The following RUFY3 variants were observed in gnomAD, a reference collection of about 807,000 sequenced individuals.
RUFY3 encodes RUN and FYVE domain containing 3.
In RUFY3, 34 loss-of-function variants were observed where a neutral mutation model predicts 84.0. That is an observed-to-expected ratio of 0.40 (90% CI 0.31 to 0.54). The LOEUF (loss-of-function observed/expected upper bound fraction) is 0.54. RUFY3 is among the 20% of genes least tolerant of loss of function. RUFY3 has a pLI of 0.39. For missense variants in RUFY3, 507 were observed against 736.8 expected, an observed-to-expected ratio of 0.69 and a Z score of 3.61; for synonymous variants, 242 against 252.9, an observed-to-expected ratio of 0.96 and a Z score of 0.41.
chr4:70,775,569 G>T (rs1727796906), intron 7 of RUFY3, among the ~76,000 whole-genome samples: 1 of 152,102 alleles, frequency 6.6e-6, no homozygotes, highest in Admixed American at 6.6e-5. Context: ...GTTGAAATTG[G>T]TAGCTTTTTC....
intron 15 of RUFY3, among the ~76,000 whole-genome samples, chr4:70,800,997 T>C (rs1404574212): frequency 2.6e-5 from 4 of 152,174 alleles, no homozygotes; most frequent in Non-Finnish European, 4.4e-5. Context: ...CCTAACTCTG[T>C]CTGATTTGCT....
intron 1 of RUFY3, among the ~76,000 whole-genome samples, chr4:70,739,271 TG>T (rs1335626497): frequency 2.6e-5 from 4 of 152,204 alleles, no homozygotes; most frequent in Admixed American, 1.3e-4. Flanking sequence ...TTATTTAGGT[TG>T]ACTAATTTTT....
At chr4:70,736,500 A>G (rs1294293381) in intron 1 of RUFY3, among the ~76,000 whole-genome samples, 1 of 152,012 alleles carries the variant, frequency 6.6e-6, no homozygotes, top group Non-Finnish European at 1.5e-5. Flanking sequence ...ATATTTTTCC[A>G]TATGGGTAAA....
chr4:70,774,467 T>A (rs1264017280), intron 6 of RUFY3, among the ~76,000 whole-genome samples: 7 of 144,994 alleles, frequency 4.8e-5, no homozygotes, highest in African/African-American at 1.8e-4. Context: ...AAAAAAAAAA[T>A]AGCCAGGCAT....
chr4:70,777,958 G>T (rs998801589), intron 7 of RUFY3, among the ~76,000 whole-genome samples: 1 of 152,144 alleles, frequency 6.6e-6, no homozygotes, highest in East Asian at 1.9e-4. Flanking sequence ...AAGGCCTGGC[G>T]CAGTGGCTCA....
intron 7 of RUFY3, among the ~76,000 whole-genome samples, chr4:70,777,040 T>A (rs548376291): frequency 6.6e-6 from 1 of 152,306 alleles, no homozygotes; most frequent in African/African-American, 2.4e-5. Flanking sequence ...AGAGCACAAA[T>A]CAGATTTGGA....
chr4:70,792,933 C>G, intron 12 of RUFY3: 1 of 985,222 alleles, frequency 1.0e-6, no homozygotes, highest in Non-Finnish European at 1.2e-6. Flanking sequence ...TGATGGGTTG[C>G]CTTTTCTACG....
intron 1 of RUFY3, among the ~76,000 whole-genome samples, chr4:70,740,676 A>G (rs1256473923): frequency 2.0e-5 from 3 of 152,226 alleles, no homozygotes; most frequent in African/African-American, 7.2e-5. Flanking sequence ...TTTGTGGCAC[A>G]TTATATTGTC....
At chr4:70,766,885 A>G (rs987784315) in intron 4 of RUFY3, among the ~76,000 whole-genome samples, 1 of 152,120 alleles carries the variant, frequency 6.6e-6, no homozygotes. Context: ...TGCTCCACCT[A>G]TTCATCTCTC....
intron 10 of RUFY3, 86 bp from the exon 11 acceptor site, chr4:70,788,720 T>C (rs1263509919): frequency 6.8e-7 from 1 of 1,471,252 alleles, no homozygotes; most frequent in African/African-American, 1.4e-5. Context: ...CCTGAGAGTT[T>C]TGGTGTACTT....
At chr4:70,724,172 A>G (rs1717839796) in intron 1 of RUFY3, among the ~76,000 whole-genome samples, 1 of 152,188 alleles carries the variant, frequency 6.6e-6, no homozygotes, top group African/African-American at 2.4e-5. Flanking sequence ...AAACATCGTT[A>G]CATCCAACAA....
At chr4:70,714,249 A>G (rs1312114330) in intron 1 of RUFY3, among the ~76,000 whole-genome samples, 1 of 152,172 alleles carries the variant, frequency 6.6e-6, no homozygotes, top group Non-Finnish European at 1.5e-5. Context: ...GTCTTCAGGC[A>G]ACCAGCCCTC....
chr4:70,734,415 G>C, intron 1 of RUFY3: 1 of 985,402 alleles, frequency 1.0e-6, no homozygotes, highest in Non-Finnish European at 1.2e-6. Context: ...GATTTACACT[G>C]TCAGGTTCTC....
chr4:70,779,301 TGAGTTCCGTCACTGG>T (rs1728499498), intron 8 of RUFY3, among the ~76,000 whole-genome samples: 2 of 152,184 alleles, frequency 1.3e-5, no homozygotes, highest in African/African-American at 4.8e-5. Flanking sequence ...TCCAAGAGGC[TGAGTTCCGTCACTGG>T]AAAATGAGAG....
chr4:70,755,282 TAAG>T (rs1260945582), intron 1 of RUFY3, among the ~76,000 whole-genome samples: 1 of 152,220 alleles, frequency 6.6e-6, no homozygotes, highest in Non-Finnish European at 1.5e-5. Context: ...TGTTAGATAA[TAAG>T]AAAATTCTGA....
intron 4 of RUFY3, among the ~76,000 whole-genome samples, chr4:70,766,290 G>C (rs1273082287): frequency 1.3e-5 from 2 of 152,076 alleles, no homozygotes; most frequent in African/African-American, 4.8e-5. Context: ...TGTCACCCAG[G>C]TTGGAGTGCA....
intron 7 of RUFY3, among the ~76,000 whole-genome samples, chr4:70,777,715 AG>A (rs1728188664): frequency 1.3e-5 from 2 of 152,204 alleles, no homozygotes; most frequent in Admixed American, 6.5e-5. Flanking sequence ...CCTAACATAA[AG>A]GGTTGTTGAA....
chr4:70,789,468 G>T (rs770422131), intron 11 of RUFY3, 27 bp from the exon 12 acceptor site: 2 of 1,594,456 alleles, frequency 1.3e-6, no homozygotes, highest in Non-Finnish European at 1.7e-6. Context: ...TGTTATACAG[G>T]TTGTTTATCG....
At chr4:70,716,840 T>C (rs1741681030) in intron 1 of RUFY3, among the ~76,000 whole-genome samples, 1 of 131,106 alleles carries the variant, frequency 7.6e-6, no homozygotes, top group East Asian at 2.1e-4. Context: ...AACAAAACTC[T>C]GTCTCAAAAA....
Sources: gnomAD v4.1 joint callset for allele counts (sites outside exome capture counted in the v4.1 genomes callset) on GRCh38, gnomAD v4.1.1 for gene constraint, MANE v1.5 for transcripts, NCBI Gene and HGNC (gene_info 2026-07-23, HGNC 2026-07-21) for gene names.